Variants in RPTOR observed in about 807,000 individuals in gnomAD.
RPTOR encodes the protein regulatory-associated protein of mTOR.
RPTOR carries 21 observed loss-of-function variants against 169.9 expected under a neutral mutation model. The ratio of observed to expected loss-of-function variants is 0.12; its 90% CI spans 0.09 to 0.18. RPTOR has a LOEUF of 0.18. Ranked by LOEUF, RPTOR falls within the 10% of genes least tolerant of loss-of-function variation. The pLI is 1.00. For missense variants in RPTOR, 1,133 were observed against 1,855.9 expected, an observed-to-expected ratio of 0.61 and a Z score of 7.16; for synonymous variants, 732 against 753.2, an observed-to-expected ratio of 0.97 and a Z score of 0.46.
At chr17:80,937,886 A>C (rs1439647857) in intron 24 of RPTOR, among the ~76,000 whole-genome samples, 1 of 151,948 alleles carries the variant, frequency 6.6e-6, no homozygotes, top group Non-Finnish European at 1.5e-5. Flanking sequence ...CCGCACCTCC[A>C]CTTCTGCCCA....
intron 2 of RPTOR, among the ~76,000 whole-genome samples, chr17:80,627,323 ATACAATT>A (rs2065403877): frequency 6.6e-6 from 1 of 152,194 alleles, no homozygotes; most frequent in Non-Finnish European, 1.5e-5. Flanking sequence ...CCCGGCCAAG[ATACAATT>A]TATATACAGT....
intron 6 of RPTOR, among the ~76,000 whole-genome samples, chr17:80,760,712 G>C (rs1169435654): frequency 6.6e-6 from 1 of 152,186 alleles, no homozygotes; most frequent in Non-Finnish European, 1.5e-5. Flanking sequence ...TGCAGATGAC[G>C]GCTGTGCGTG....
intron 6 of RPTOR, among the ~76,000 whole-genome samples, chr17:80,781,859 G>T (rs576797388): frequency 6.6e-6 from 1 of 152,204 alleles, no homozygotes; most frequent in Non-Finnish European, 1.5e-5. Context: ...ATGATTGTGC[G>T]TGGCTTATCT....
intron 13 of RPTOR, among the ~76,000 whole-genome samples, chr17:80,875,226 G>A (rs886336894): frequency 3.9e-5 from 6 of 152,284 alleles, no homozygotes; most frequent in East Asian, 1.9e-4. Context: ...CCGGCCTTAC[G>A]GGTGCACCTT....
rs935610216 is a variant in RPTOR, at chr17:80,861,938, C to T, written c.1509+4038C>T. Among the ~76,000 whole-genome samples, 2 of 152,096 alleles carry T rather than the reference C, an allele frequency of 1.3e-5. No individual in the cohort carries two copies. Among genetic ancestry groups the T allele is most frequent in the African/African-American group, 2.4e-5 (1 of 41,416 alleles). On this transcript the variant is annotated intron_variant, in intron 13 of 33. Coordinates refer to ENST00000306801, the MANE Select transcript of RPTOR (RefSeq NM_020761.3). This position sits in a 1 kb window ranked among gnomAD's most constrained non-coding sequence, Gnocchi z 4.5. ...CCCATCATGGTATTGCAGTGCAGGGCGTCTTGTTTAAAACTGGCTCTTGGT... is the reference window on the plus strand; with the variant it reads ...CCCATCATGGTATTGCAGTGCAGGGTGTCTTGTTTAAAACTGGCTCTTGGT...
chr17:80,906,602 G>A (rs1237617985), intron 20 of RPTOR, among the ~76,000 whole-genome samples: 2 of 152,252 alleles, frequency 1.3e-5, no homozygotes, highest in Admixed American at 6.5e-5. Context: ...GACCCGCAGG[G>A]GACGTGTCCC....
rs146865441 is a variant in RPTOR, at chr17:80,775,338, T to G, written c.831-16112T>G. Among the ~76,000 whole-genome samples the G allele has an allele frequency of 8.6e-3, 1,313 of 152,292 alleles. 15 individuals carry two copies. Among genetic ancestry groups the G allele is most frequent in the African/African-American group, 0.029 (1,210 of 41,550 alleles). Reference sequence around the variant, plus strand: ...GTTGCCCAGGATAGTCTCAAACTCCTGGCCTCAAGCGATCCTCTCGCCTCA... The same window carrying G: ...GTTGCCCAGGATAGTCTCAAACTCCGGGCCTCAAGCGATCCTCTCGCCTCA... On this transcript the variant is annotated intron_variant, in intron 6 of 33. Coordinates refer to ENST00000306801, the MANE Select transcript of RPTOR (RefSeq NM_020761.3).
At chr17:80,634,613 A>G (rs200427138) in intron 2 of RPTOR, among the ~76,000 whole-genome samples, 9 of 4,966 alleles carry the variant, frequency 1.8e-3, no homozygotes, top group Non-Finnish European at 3.0e-3. Flanking sequence ...CTGTGTGTGT[A>G]CTGTGTGCGT....
intron 24 of RPTOR, among the ~76,000 whole-genome samples, chr17:80,938,201 C>T (rs1489244232): frequency 6.6e-6 from 1 of 152,198 alleles, no homozygotes; most frequent in Non-Finnish European, 1.5e-5. Flanking sequence ...TGGCATGGGC[C>T]CCCTCTCAAC....
intron 5 of RPTOR, among the ~76,000 whole-genome samples, chr17:80,739,300 G>A (rs2066462898): frequency 6.6e-6 from 1 of 151,594 alleles, no homozygotes; most frequent in Admixed American, 6.6e-5. Flanking sequence ...TGCTTTCACT[G>A]AACACTGAGG....
chr17:80,833,129 TC>T (rs2067525055), intron 9 of RPTOR, among the ~76,000 whole-genome samples: 1 of 152,108 alleles, frequency 6.6e-6, no homozygotes, highest in Non-Finnish European at 1.5e-5. Context: ...CTCTGACTGA[TC>T]AGCGCAGATG....
At chr17:80,898,517 C>A (rs939215034) in intron 20 of RPTOR, among the ~76,000 whole-genome samples, 1 of 152,096 alleles carries the variant, frequency 6.6e-6, no homozygotes, top group Non-Finnish European at 1.5e-5. Flanking sequence ...ACTGTTTTCT[C>A]TAGGTTCACT....
chr17:80,577,986 C>T (rs2064980544), intron 1 of RPTOR, among the ~76,000 whole-genome samples: 1 of 152,228 alleles, frequency 6.6e-6, no homozygotes, highest in African/African-American at 2.4e-5. Context: ...GCGTCAGACC[C>T]TGGCTGTGTT....
chr17:80,656,443 A>G (rs538508035), intron 3 of RPTOR, among the ~76,000 whole-genome samples: 1 of 152,380 alleles, frequency 6.6e-6, no homozygotes, highest in East Asian at 1.9e-4. Flanking sequence ...CTAAGGGGCA[A>G]CAGTACCACA....
intron 5 of RPTOR, among the ~76,000 whole-genome samples, chr17:80,744,117 A>G (rs1330638689): frequency 2.7e-5 from 3 of 109,400 alleles, no homozygotes; most frequent in African/African-American, 1.1e-4. Flanking sequence ...AGCCCTGGTT[A>G]CTAGCACAGC....
At chr17:80,832,089 C>T (rs193066404) in intron 9 of RPTOR, among the ~76,000 whole-genome samples, 66 of 152,300 alleles carry the variant, frequency 4.3e-4, no homozygotes, top group Non-Finnish European at 7.1e-4. Flanking sequence ...CAGCCAACAC[C>T]GCTCTTGAGA....
Position 80,949,508 on chromosome 17 carries a change from G to A in RPTOR, c.3331G>A (p.Ala1111Thr), listed in dbSNP as rs2144065418. 1.2e-6 allele frequency: 2 copies of A among 1,614,112 alleles called. No individual in the cohort carries two copies. The highest frequency in any genetic ancestry group is 8.5e-7 in the Non-Finnish European group (1 of 1,180,020). The change falls in exon 28 of 34, where the codon GCG becomes ACG. Residue 1111 changes from alanine to threonine, a missense_variant. Ala to Thr is a moderately conservative substitution (Grantham distance 58). Around this residue, in one of 9 missense-constraint regions of RPTOR, gnomAD observed 410 missense variants for 623.7 expected, o/e 0.66. Transcript: ENST00000306801. ...DLEKNPEMVT[A>T]WQGLSDMLPT... ...GGAAAAGAACCCAGAGATGGTGACC[G>A]CGTGGCAGGGGCTCTCGGACATGCT...
rs796947950 is a variant in RPTOR, at chr17:80,610,055, C to G, written c.163-15636C>G. ...GGAGAGAATAAGGTTTTCTCATTTT[C>G]GACTTCAACTAATGGTCATAGAGTT... is the stretch of plus-strand genomic sequence containing the variant. On this transcript the variant is annotated intron_variant, in intron 1 of 33. Coordinates refer to ENST00000306801, the MANE Select transcript of RPTOR (RefSeq NM_020761.3). Among the ~76,000 whole-genome samples the G allele has an allele frequency of 2.0e-5, 3 of 152,094 alleles. No homozygotes were observed. In the East Asian group the frequency reaches 5.8e-4, roughly 29 times the overall value.
chr17:80,761,072 C>T (rs2066732494), intron 6 of RPTOR, among the ~76,000 whole-genome samples: 1 of 152,206 alleles, frequency 6.6e-6, no homozygotes, highest in African/African-American at 2.4e-5. Flanking sequence ...TTACTTTCCA[C>T]ATAAATGATT....
Sources: allele counts gnomAD v4.1 joint callset (sites outside exome capture counted in the v4.1 genomes callset), GRCh38; gene constraint gnomAD v4.1.1; regional missense constraint gnomAD v4.1.1; non-coding constraint Gnocchi (gnomAD v3.1); transcripts MANE v1.5; gene names NCBI Gene and HGNC (gene_info 2026-07-23, HGNC 2026-07-21).